NDUFB10: variants seen among roughly 807,000 people sequenced by gnomAD.
The protein encoded by NDUFB10 is NADH dehydrogenase [ubiquinone] 1 beta subcomplex subunit 10.
NDUFB10 carries 23 observed loss-of-function variants against 19.0 expected under a neutral mutation model. That is an observed-to-expected ratio of 1.21 (90% CI 0.87 to 1.71). The LOEUF (loss-of-function observed/expected upper bound fraction) is 1.71, where lower values mean the gene tolerates loss of function less well. NDUFB10 is among the 40% of genes most tolerant of loss of function. The pLI is 0.00. For synonymous variants in NDUFB10, 104 were observed against 81.8 expected (o/e 1.27, Z -1.46); for missense variants, 312 against 230.6 (o/e 1.35, Z -2.29).
chr16:1,961,138 G>A lies in NDUFB10; in HGVS notation c.131-15G>A. 6.2e-7 allele frequency: 1 copy of A among 1,613,354 alleles called. No homozygotes were observed. Among genetic ancestry groups the A allele is most frequent in the East Asian group, 2.2e-5 (1 of 44,882 alleles). ...AACCGATGAGGCATTTGAGTCTGTGGCTTTGTCTTTGCAGAATTTATAGAG... is the reference window on the plus strand; with the variant it reads ...AACCGATGAGGCATTTGAGTCTGTGACTTTGTCTTTGCAGAATTTATAGAG... On this transcript the variant is annotated splice_polypyrimidine_tract_variant and intron_variant, in intron 1 of 3. Coordinates refer to ENST00000268668, the MANE Select transcript of NDUFB10 (RefSeq NM_004548.3).
Position 1,961,583 on chromosome 16 carries a change from G to A in NDUFB10, c.356G>A (p.Cys119Tyr), listed in dbSNP as rs1168429640. 2 of 1,614,088 alleles carry A rather than the reference G, an allele frequency of 1.2e-6. No homozygotes were observed. The highest frequency in any genetic ancestry group is 1.7e-6 in the Non-Finnish European group (2 of 1,180,040). The change falls in exon 3 of 4, where the codon TGT (cysteine) becomes TAT (tyrosine). Residue 119 changes from cysteine to tyrosine, a missense_variant. Physicochemically the swap from Cys to Tyr is radical, Grantham distance 194. Coordinates refer to ENST00000268668, the MANE Select transcript of NDUFB10 (RefSeq NM_004548.3). The part of the protein sequence containing the change: ...QREGQNYQQN[C>Y]IKEVEQFTQV... ...GAAGGACAGAACTACCAGCAGAACT[G>A]TATCAAGGAAGTGGAGCAGTTCACC...
intron 1 of NDUFB10, among the ~76,000 whole-genome samples, chr16:1,960,337 C>T (rs2083245137): frequency 6.6e-6 from 1 of 152,154 alleles, no homozygotes; most frequent in Admixed American, 6.5e-5. Flanking sequence ...ATTCTCCTGC[C>T]TCAGCCTCCC....
At position 1,961,725 on chromosome 16, in the gene NDUFB10, G is replaced by C. The variant is rs1045974182; in HGVS notation, c.410-72G>C. The C allele has an allele frequency of 3.9e-6, 6 of 1,530,834 alleles. No individual in the cohort carries two copies. The African/African-American group carries it at 8.4e-5, about 21-fold the overall frequency. 94.8% of individuals were successfully genotyped at this position (1,530,834 alleles called of 1,614,324 possible). A position where few individuals can be genotyped will look rare whatever the true frequency, so the allele number is the denominator to read the frequency against. The stretch of plus-strand genomic sequence containing the variant: ...GCAAATCTTCCCTCCCCTCCCTTGT[G>C]CTCACTTGACTTTGCCCCCTTTGCA... On this transcript the variant is annotated intron_variant, in intron 3 of 3. Coordinates refer to ENST00000268668, the MANE Select transcript of NDUFB10 (RefSeq NM_004548.3).
rs1222349903 is a variant in NDUFB10 at position 1,961,920 on chromosome 16, G to C, written c.*14G>C. ...GCCACCTCCTGAGGCAGCTGTGGGT[G>C]CCCCTGCTGTGTGGCTCTGTATGAC... is the stretch of plus-strand genomic sequence containing the variant. On this transcript the variant is annotated 3_prime_UTR_variant, in exon 4 of 4. Coordinates refer to ENST00000268668, the MANE Select transcript of NDUFB10 (RefSeq NM_004548.3). 1.3e-6 allele frequency: 2 copies of C among 1,551,164 alleles called. No homozygotes were observed. Among genetic ancestry groups the C allele is most frequent in the African/African-American group, 1.4e-5 (1 of 73,380 alleles).
rs1012528748 is a variant in NDUFB10, at chr16:1,959,712, G to T, written c.88G>T (p.Ala30Ser). ...CAATCCCATCGTCTACATGATGAAA[G>T]CGTTCGACCTCATCGTGGACCGACC... ...QPNPIVYMMK[A>S]FDLIVDRPVT... Residue 30 changes from alanine to serine, a missense_variant, in exon 1 of 4, where the codon GCG becomes TCG. Transcript: ENST00000268668. 6 of 1,613,322 alleles carry T rather than the reference G, an allele frequency of 3.7e-6. No individual in the cohort carries two copies. Among genetic ancestry groups the T allele is most frequent in the Non-Finnish European group, 5.1e-6 (6 of 1,179,770 alleles).
chr16:1,961,327 C>G, intron 2 of NDUFB10, 36 bp downstream of exon 2: 1 of 1,611,678 alleles, frequency 6.2e-7, no homozygotes, highest in Non-Finnish European at 8.5e-7. Context: ...GAGATCTGCA[C>G]CGTGTGCTGC....
Position 1,961,232 on chromosome 16 carries a change from G to A in NDUFB10, c.210G>A (p.Glu70=), listed in dbSNP as rs147356577. The A allele has an allele frequency of 1.5e-5, 25 of 1,614,122 alleles. No homozygotes were observed. In the African/African-American group the frequency reaches 2.5e-4, roughly 16 times the overall value. ...ACCGCCGCGTGCCAGACATCACTGA[G>A]TGCAAGGAGGAGGACATCATGTGCA... ...RQYRRVPDIT[E]CKEEDIMCMY... Residue 70 remains glutamate (E), a synonymous_variant, in exon 2 of 4, where the codon GAG becomes GAA. Coordinates refer to ENST00000268668, the MANE Select transcript of NDUFB10 (RefSeq NM_004548.3).
chr16:1,960,753 T>C (rs1420999206), intron 1 of NDUFB10, among the ~76,000 whole-genome samples: 6 of 152,204 alleles, frequency 3.9e-5, no homozygotes, highest in Admixed American at 6.5e-5. Flanking sequence ...CGTAAGGTGG[T>C]AAGTTCTGCT....
Position 1,961,522 on chromosome 16 carries a change from A to G in NDUFB10, c.295A>G (p.Ile99Val), listed in dbSNP as rs1567316047. The G allele has an allele frequency of 6.2e-7, 1 of 1,614,058 alleles. No homozygotes were observed. The highest frequency in any genetic ancestry group is 8.5e-7 in the Non-Finnish European group (1 of 1,180,014). Residue 99 changes from isoleucine to valine, a missense_variant, in exon 3 of 4, where the codon ATT (isoleucine) becomes GTT (valine). Coordinates refer to ENST00000268668, the MANE Select transcript of NDUFB10 (RefSeq NM_004548.3). Reference protein sequence around the residue: ...DYKVDQEIINIMQDRLKACQQ... With the variant: ...DYKVDQEIINVMQDRLKACQQ... The stretch of plus-strand genomic sequence containing the variant: ...CAAAGTCGACCAAGAAATTATCAAC[A>G]TTATGCAGGATCGGCTCAAAGCCTG...
intron 2 of NDUFB10, 80 bp downstream of exon 2, chr16:1,961,371 C>T: frequency 6.2e-7 from 1 of 1,600,090 alleles, no homozygotes; most frequent in Non-Finnish European, 8.5e-7. Flanking sequence ...CACAGGGTGG[C>T]ATGCCCAGAT....
At chr16:1,961,051 G>C in intron 1 of NDUFB10, 102 bp from the exon 2 acceptor site, 2 of 1,394,988 alleles carry the variant, frequency 1.4e-6, no homozygotes, top group Non-Finnish European at 2.0e-6. Context: ...GAACACTCAG[G>C]AAGTTCTCCT....
In NDUFB10 at chr16:1,961,261, A is replaced by G; in HGVS notation, c.239A>G (p.Tyr80Cys). 2.5e-6 allele frequency: 4 copies of G among 1,614,048 alleles called. No homozygotes were observed. The highest frequency in any genetic ancestry group is 2.5e-6 in the Non-Finnish European group (3 of 1,180,030). The change falls in exon 2 of 4, where the codon TAT (tyrosine) becomes TGT (cysteine). Residue 80 changes from tyrosine (Y) to cysteine (C), a missense_variant. Physicochemically the swap from Tyr to Cys is radical, Grantham distance 194 (BLOSUM62 -2). Coordinates refer to ENST00000268668, the MANE Select transcript of NDUFB10 (RefSeq NM_004548.3). Reference protein sequence around the residue: ...ECKEEDIMCMYEAEMQWKRDY... With the variant: ...ECKEEDIMCMCEAEMQWKRDY... Reference sequence around the variant, plus strand: ...AAGGAGGAGGACATCATGTGCATGTATGAAGCCGAAATGCAGTGGAAGAGG... The same window carrying G: ...AAGGAGGAGGACATCATGTGCATGTGTGAAGCCGAAATGCAGTGGAAGAGG...
In NDUFB10 at chr16:1,961,652, AC is replaced by A. The variant is rs759108487; in HGVS notation, c.409+21del. 18 of 533,260 alleles carry A rather than the reference AC, an allele frequency of 3.4e-5. No homozygotes were observed. The African/African-American group carries it at 5.1e-4, about 15-fold the overall frequency. 33.0% of individuals were successfully genotyped at this position (533,260 alleles called of 1,614,324 possible). A position where few individuals can be genotyped will look rare whatever the true frequency, so the allele number is the denominator to read the frequency against. ...CAGGACCGCTGTGCGTGCCCCACCCACCCCCAACCCCCCACCATCCTCCTGA... is the reference window on the plus strand; with the variant it reads ...CAGGACCGCTGTGCGTGCCCCACCCACCCCAACCCCCCACCATCCTCCTGA... On this transcript the variant is annotated intron_variant, in intron 3 of 3. Coordinates refer to ENST00000268668, the MANE Select transcript of NDUFB10 (RefSeq NM_004548.3).
At chr16:1,960,542 C>T (rs1238290198) in intron 1 of NDUFB10, among the ~76,000 whole-genome samples, 3 of 152,224 alleles carry the variant, frequency 2.0e-5, no homozygotes, top group Non-Finnish European at 4.4e-5. Context: ...TTTTTGAACA[C>T]TTGGGGTGCA....
At chr16:1,959,775 G>C (rs1365050668) in intron 1 of NDUFB10, 21 bp downstream of exon 1, 1 of 1,611,508 alleles carries the variant, frequency 6.2e-7, no homozygotes, top group Admixed American at 1.7e-5. Context: ...CCAGCCCGGG[G>C]CTCCCTCGCC....
rs368985340 is a variant in NDUFB10 at position 1,961,295 on chromosome 16, C to T, written c.269+4C>T. 2.4e-5 allele frequency: 38 copies of T among 1,613,660 alleles called. No individual in the cohort carries two copies. The highest frequency in any genetic ancestry group is 1.2e-4 in the South Asian group (11 of 91,066). The stretch of plus-strand genomic sequence containing the variant: ...AAATGCAGTGGAAGAGGGACTAGTA[C>T]GTGAGCCATGCTGGGAGTGTGGAGA... On this transcript the variant is annotated splice_donor_region_variant and intron_variant, in intron 2 of 3. Coordinates refer to ENST00000268668, the MANE Select transcript of NDUFB10 (RefSeq NM_004548.3).
chr16:1,961,697 AT>A (rs2083256990), intron 3 of NDUFB10, 61 bp downstream of exon 3: 3 of 1,254,840 alleles, frequency 2.4e-6, no homozygotes, highest in Non-Finnish European at 3.1e-6. Context: ...GGCCAGAACC[AT>A]TGCAAATCTT....
At position 1,961,512 on chromosome 16, in the gene NDUFB10, A is replaced by AATTATCAACATT; in HGVS notation, c.288_299dup (p.Ile96_Ile99dup). ...TCTCCACCAGCAAAGTCGACCAAGA[A>AATTATCAACATT]ATTATCAACATTATGCAGGATCGGC... On this transcript the variant is annotated inframe_insertion, in exon 3 of 4. Coordinates refer to ENST00000268668, the MANE Select transcript of NDUFB10 (RefSeq NM_004548.3). 1 of 1,614,064 alleles carries AATTATCAACATT rather than the reference A, an allele frequency of 6.2e-7. No homozygotes were observed. Among genetic ancestry groups the AATTATCAACATT allele is most frequent in the Non-Finnish European group, 8.5e-7 (1 of 1,180,012 alleles).
rs774281756 is a variant in NDUFB10, at chr16:1,961,463, G to A, written c.270-34G>A. ...ACAGGGTACAGGAAAAGGATTCCTT[G>A]TGATTAGCCTCTCTTGCTCCTTTTC... On this transcript the variant is annotated intron_variant, in intron 2 of 3. Transcript: ENST00000268668. The A allele has an allele frequency of 1.6e-5, 26 of 1,611,852 alleles. No homozygotes were observed. The Admixed American group carries it at 4.2e-4, about 26-fold the overall frequency.
Sources: gnomAD v4.1 joint callset for allele counts (sites outside exome capture counted in the v4.1 genomes callset) on GRCh38, gnomAD v4.1.1 for gene constraint, MANE v1.5 for transcripts, NCBI Gene and HGNC (gene_info 2026-07-23, HGNC 2026-07-21) for gene names.